Variants in ADAMTSL4 observed in about 807,000 individuals in gnomAD.
ADAMTSL4 encodes the protein ADAMTS-like protein 4.
ADAMTSL4 carries 97 observed loss-of-function variants against 122.8 expected under a neutral mutation model. The observed-to-expected ratio is 0.79, with a 90% CI of 0.67 to 0.93. The LOEUF (loss-of-function observed/expected upper bound fraction) is 0.93, where lower values mean the gene tolerates loss of function less well. ADAMTSL4 is among the 40% of genes least tolerant of loss of function. ADAMTSL4 has a pLI of 0.00. For missense variants in ADAMTSL4, 1,408 were observed against 1,453.5 expected (o/e 0.97, Z 0.51); for synonymous variants, 592 against 568.0 (o/e 1.04, Z -0.60).
In ADAMTSL4 at chr1:150,556,034, G is replaced by A. The variant is rs1350043588; in HGVS notation, c.1372-128G>A. The A allele has an allele frequency of 1.2e-5, 11 of 938,820 alleles. No individual in the cohort carries two copies. Among genetic ancestry groups the A allele is most frequent in the Non-Finnish European group, 1.7e-5 (10 of 599,306 alleles). The allele number at this position is 938,820 out of a possible 1,614,324, so 58.2% of individuals were successfully genotyped here. Reference sequence around the variant, plus strand: ...CCCTGGGTCTGGCTGGGGATGGTGGGGCTGTTTTTGTGCTCTCACTTGTGG... The same window carrying A: ...CCCTGGGTCTGGCTGGGGATGGTGGAGCTGTTTTTGTGCTCTCACTTGTGG... On this transcript the variant is annotated intron_variant, in intron 8 of 18. Coordinates refer to ENST00000271643, the MANE Select transcript of ADAMTSL4 (RefSeq NM_019032.6). This position sits in a 1 kb window ranked among gnomAD's most constrained non-coding sequence, Gnocchi z 4.1.
intron 2 of ADAMTSL4, chr1:150,550,188 G>A (rs1307698575): frequency 4.4e-6 from 2 of 456,474 alleles, no homozygotes; most frequent in Non-Finnish European, 8.8e-6. Flanking sequence ...CCAGACCAGG[G>A]TCTACTCTGG....
chr1:150,559,416 T>C lies in ADAMTSL4; in HGVS notation c.2893T>C (p.Cys965Arg). The change falls in exon 17 of 19, where the codon TGT (cysteine) becomes CGT (arginine). Residue 965 changes from cysteine to arginine, a missense_variant. Physicochemically the swap from Cys to Arg is radical, Grantham distance 180 (BLOSUM62 -3). Coordinates refer to ENST00000271643, the MANE Select transcript of ADAMTSL4 (RefSeq NM_019032.6). This position sits in a 1 kb window ranked among gnomAD's most constrained non-coding sequence, Gnocchi z 4.1. ...CCCCAGGCCCCCTGCCCTGCAGCCC[T>C]GTCAAGGGCAGGCCTGCCAGGACCG... ...HLPRPPALQP[C>R]QGQACQDRWF... 1 of 1,613,404 alleles carries C rather than the reference T, an allele frequency of 6.2e-7. No homozygotes were observed. The highest frequency in any genetic ancestry group is 1.3e-5 in the African/African-American group (1 of 75,016).
Position 150,553,626 on chromosome 1 carries a change from C to A in ADAMTSL4, c.635C>A (p.Thr212Asn), listed in dbSNP as rs756937513. The part of the protein sequence containing the change: ...EPFSANGSPQ[T>N]ELPPTELSVH... ...TTCTCCGCAAACGGCAGCCCCCAAA[C>A]TGAGCTCCCTCCCACAGAACTGTCT... The change falls in exon 6 of 19, where the codon ACT becomes AAT. Residue 212 changes from threonine (T) to asparagine (N), a missense_variant. Physicochemically the swap from Thr to Asn is moderately conservative, Grantham distance 65. Coordinates refer to ENST00000271643, the MANE Select transcript of ADAMTSL4 (RefSeq NM_019032.6). The A allele has an allele frequency of 8.1e-5, 131 of 1,613,754 alleles. No homozygotes were observed. The highest frequency in any genetic ancestry group is 1.1e-4 in the Non-Finnish European group (130 of 1,179,956).
chr1:150,558,569 C>T lies in ADAMTSL4; in HGVS notation c.2479C>T (p.Pro827Ser), dbSNP rs200336337. The T allele has an allele frequency of 1.9e-6, 3 of 1,613,216 alleles. No individual in the cohort carries two copies. Among genetic ancestry groups the T allele is most frequent in the East Asian group, 2.2e-5 (1 of 44,868 alleles). ...EVSEQECASG[P>S]PQPPSREACD... ...GAGCGAGCAGGAGTGTGCGTCAGGC[C>T]CCCCGCAGCCCCCCAGCAGAGAGGC... The change falls in exon 15 of 19, where the codon CCC (proline) becomes TCC (serine). Residue 827 changes from proline (P) to serine (S), a missense_variant. Coordinates refer to ENST00000271643, the MANE Select transcript of ADAMTSL4 (RefSeq NM_019032.6).
At position 150,554,534 on chromosome 1, in the gene ADAMTSL4, C is replaced by T; in HGVS notation, c.1234+67C>T. The T allele has an allele frequency of 6.3e-7, 1 of 1,599,264 alleles. No individual in the cohort carries two copies. Among genetic ancestry groups the T allele is most frequent in the Non-Finnish European group, 8.5e-7 (1 of 1,172,832 alleles). ...TTGGGGATGAAGGGGAGAGGAGATA[C>T]CTGCTTACTCCCAGCCCTGAATGAC... On this transcript the variant is annotated intron_variant, in intron 7 of 18. Transcript: ENST00000271643. This position sits in a 1 kb window ranked among gnomAD's most constrained non-coding sequence, Gnocchi z 4.0.
At position 150,557,290 on chromosome 1, in the gene ADAMTSL4, T is replaced by G; in HGVS notation, c.2002T>G (p.Trp668Gly). The change falls in exon 12 of 19, where the codon TGG becomes GGG. Residue 668 changes from tryptophan to glycine, a missense_variant. Transcript: ENST00000271643. Reference protein sequence around the residue: ...RTPLGSPAAYWKRVGHSACSA... With the variant: ...RTPLGSPAAYGKRVGHSACSA... The stretch of plus-strand genomic sequence containing the variant: ...ACCCCTGGGGTCTCCAGCTGCGTAC[T>G]GGAAACGAGTGGGACACTCTGCATG... 6 of 1,610,342 alleles carry G rather than the reference T, an allele frequency of 3.7e-6. 1 individual carries two copies. In the South Asian group the frequency reaches 6.6e-5, roughly 18 times the overall value.
rs1046608087 is a variant in ADAMTSL4, at chr1:150,554,625, A to T, written c.1234+158A>T. 4 of 1,544,280 alleles carry T rather than the reference A, an allele frequency of 2.6e-6. No homozygotes were observed. In the African/African-American group the frequency reaches 5.5e-5, roughly 21 times the overall value. ...TCTCCCTGGGGCTGGGTCAGGAGAC[A>T]GCACAGGTGGTGAGTGGTCTGCAGA... On this transcript the variant is annotated intron_variant, in intron 7 of 18. Transcript: ENST00000271643. The surrounding 1 kb of genome is among the most constrained non-coding windows in gnomAD (Gnocchi z 4.0).
rs587722727 is a variant in ADAMTSL4, at chr1:150,557,344, T to C, written c.2047+9T>C. On this transcript the variant is annotated intron_variant, in intron 12 of 18. Coordinates refer to ENST00000271643, the MANE Select transcript of ADAMTSL4 (RefSeq NM_019032.6). ...AGCGTCCTGCGGGAAAGGTGAGACA[T>C]CACAGTGCGTTCCCCGCATCTCGGT... is the stretch of plus-strand genomic sequence containing the variant. The C allele has an allele frequency of 3.1e-6, 5 of 1,608,336 alleles. No homozygotes were observed. The highest frequency in any genetic ancestry group is 3.4e-6 in the Non-Finnish European group (4 of 1,177,920).
At position 150,556,367 on chromosome 1, in the gene ADAMTSL4, G is replaced by A; in HGVS notation, c.1576+1G>A. 6.2e-7 allele frequency: 1 copy of A among 1,613,952 alleles called. No individual in the cohort carries two copies. Among genetic ancestry groups the A allele is most frequent in the Non-Finnish European group, 8.5e-7 (1 of 1,180,002 alleles). ...CTCCGGCCTAGCTCCAACTACCTGG[G>A]TGAGCACCCAGCTGCCTCCCCTTCC... On this transcript the variant is annotated splice_donor_variant, in intron 9 of 18. Transcript: ENST00000271643. LOFTEE classifies it high-confidence loss of function. The surrounding 1 kb of genome is among the most constrained non-coding windows in gnomAD (Gnocchi z 4.1).
chr1:150,560,257 C>A lies in ADAMTSL4; in HGVS notation c.*61C>A. On this transcript the variant is annotated 3_prime_UTR_variant, in exon 19 of 19. Transcript: ENST00000271643. Reference sequence around the variant, plus strand: ...ACCATCGGTCACCCATTGATCGGCCCACTCTGAACCCCCTGGCTCTCCAGC... The same window carrying A: ...ACCATCGGTCACCCATTGATCGGCCAACTCTGAACCCCCTGGCTCTCCAGC... 1 of 1,603,406 alleles carries A rather than the reference C, an allele frequency of 6.2e-7. No homozygotes were observed. Among genetic ancestry groups the A allele is most frequent in the Non-Finnish European group, 8.5e-7 (1 of 1,174,044 alleles).
chr1:150,559,662 G>A lies in ADAMTSL4; in HGVS notation c.2944-99G>A, dbSNP rs1386888130. On this transcript the variant is annotated intron_variant, in intron 17 of 18. Coordinates refer to ENST00000271643, the MANE Select transcript of ADAMTSL4 (RefSeq NM_019032.6). The surrounding 1 kb of genome is among the most constrained non-coding windows in gnomAD (Gnocchi z 4.1). ...TGGGATTTCACAATGTCCTAGGAGG[G>A]TCCCCACCACCACCTTTTGGGGAGA... 1.5e-5 allele frequency: 24 copies of A among 1,598,550 alleles called. No individual in the cohort carries two copies. The highest frequency in any genetic ancestry group is 1.9e-5 in the Non-Finnish European group (22 of 1,171,650).
intron 2 of ADAMTSL4, chr1:150,551,470 C>A: frequency 5.6e-6 from 1 of 177,098 alleles, no homozygotes; most frequent in South Asian, 1.1e-4. Flanking sequence ...GGTCTTGTGT[C>A]TGGAAGACCC....
In ADAMTSL4 at chr1:150,559,464, C is replaced by T. The variant is rs1176984458; in HGVS notation, c.2941C>T (p.Pro981Ser). The T allele has an allele frequency of 1.2e-6, 2 of 1,613,212 alleles. No individual in the cohort carries two copies. Among genetic ancestry groups the T allele is most frequent in the East Asian group, 4.5e-5 (2 of 44,878 alleles). The part of the protein sequence containing the change: ...QDRWFSTPWS[P>S]CSRSCQGGTQ... ...CCGATGGTTTTCCACGCCCTGGAGC[C>T]CAGTGAGTGTCTGGCTGCGCTGTCC... Residue 981 changes from proline (P) to serine (S), a missense_variant and splice_region_variant, in exon 17 of 19, where the codon CCA becomes TCA. Physicochemically the swap from Pro to Ser is moderately conservative, Grantham distance 74 (BLOSUM62 -1). Coordinates refer to ENST00000271643, the MANE Select transcript of ADAMTSL4 (RefSeq NM_019032.6). This position sits in a 1 kb window ranked among gnomAD's most constrained non-coding sequence, Gnocchi z 4.1.
Position 150,558,165 on chromosome 1 carries a change from C to G in ADAMTSL4, c.2382+16C>G, listed in dbSNP as rs762358609. On this transcript the variant is annotated intron_variant, in intron 14 of 18. Transcript: ENST00000271643. ...TTGGAGCCAGGTGAGTTTGCCCAGGCAAGGAGGTGCTGGGGAGGGGAATGG... is the reference window on the plus strand; with the variant it reads ...TTGGAGCCAGGTGAGTTTGCCCAGGGAAGGAGGTGCTGGGGAGGGGAATGG... 5 of 1,613,110 alleles carry G rather than the reference C, an allele frequency of 3.1e-6. No homozygotes were observed. The Admixed American group carries it at 6.7e-5, about 22-fold the overall frequency.
At position 150,558,615 on chromosome 1, in the gene ADAMTSL4, C is replaced by CTACT; in HGVS notation, c.2526_2529dup (p.Ala844TyrfsTer57). The CTACT allele has an allele frequency of 6.2e-7, 1 of 1,613,944 alleles. No homozygotes were observed. The highest frequency in any genetic ancestry group is 8.5e-7 in the Non-Finnish European group (1 of 1,180,010). Reference sequence around the variant, plus strand: ...GAGGCCTGTGACATGGGGCCCTGTACTACTGCCTGGTTCCACAGCGACTGG... The same window carrying CTACT: ...GAGGCCTGTGACATGGGGCCCTGTACTACTTACTGCCTGGTTCCACAGCGACTGG... On this transcript the variant is annotated frameshift_variant, in exon 15 of 19. Transcript: ENST00000271643. LOFTEE classifies it high-confidence loss of function.
chr1:150,553,907 C>T lies in ADAMTSL4; in HGVS notation c.916C>T (p.Pro306Ser), dbSNP rs374601828. ...ACGCCCTGATCCTTTTCCTTCGGTC[C>T]CTCGGGGCCGAGGCCAGCAGGGCCA... is the stretch of plus-strand genomic sequence containing the variant. ...GRRPDPFPSV[P>S]RGRGQQGQGP... Residue 306 changes from proline (P) to serine (S), a missense_variant, in exon 6 of 19, where the codon CCT (proline) becomes TCT (serine). Coordinates refer to ENST00000271643, the MANE Select transcript of ADAMTSL4 (RefSeq NM_019032.6). 14 of 1,612,568 alleles carry T rather than the reference C, an allele frequency of 8.7e-6. No homozygotes were observed. The African/African-American group carries it at 1.2e-4, about 14-fold the overall frequency.
chr1:150,557,495 T>C lies in ADAMTSL4; in HGVS notation c.2049T>C (p.Gly683=). ...CTGGCTGCCTTCTCACCCACTCAGG[T>C]GTCTGGCGCCCCATTTTCCTCTGCA... ...HSACSASCGK[G]VWRPIFLCIS... The change falls in exon 13 of 19, where the codon GGT becomes GGC. Residue 683 remains glycine, a splice_region_variant and synonymous_variant. Transcript: ENST00000271643. 6.2e-7 allele frequency: 1 copy of C among 1,613,140 alleles called. No individual in the cohort carries two copies. Among genetic ancestry groups the C allele is most frequent in the Non-Finnish European group, 8.5e-7 (1 of 1,179,942 alleles).
Position 150,552,525 on chromosome 1 carries a change from C to T in ADAMTSL4, c.21-18C>T, listed in dbSNP as rs1366585866. 6.2e-7 allele frequency: 1 copy of T among 1,614,114 alleles called. No individual in the cohort carries two copies. The highest frequency in any genetic ancestry group is 1.1e-5 in the South Asian group (1 of 91,084). ...CTGGCTCCAGTCTGACGTCCCTCCC[C>T]TGGCCTTTGGTTTGCAGGCCCTGGC... is the stretch of plus-strand genomic sequence containing the variant. On this transcript the variant is annotated intron_variant, in intron 3 of 18. Transcript: ENST00000271643. This position sits in a 1 kb window ranked among gnomAD's most constrained non-coding sequence, Gnocchi z 4.0.
intron 15 of ADAMTSL4, 97 bp downstream of exon 15, chr1:150,558,746 A>G (rs370575697): frequency 3.1e-5 from 49 of 1,600,376 alleles, no homozygotes; most frequent in African/African-American, 4.0e-5. Flanking sequence ...TGTATTGATC[A>G]AGCGCCTGCT....
Sources: allele counts gnomAD v4.1 joint callset, GRCh38; gene constraint gnomAD v4.1.1; non-coding constraint Gnocchi (gnomAD v3.1); transcripts MANE v1.5; gene names NCBI Gene and HGNC (gene_info 2026-07-23, HGNC 2026-07-21).